RNF145: variants seen among roughly 807,000 people sequenced by gnomAD.
RNF145 encodes ring finger protein 145.
In RNF145, 12 loss-of-function variants were observed where a neutral mutation model predicts 57.3. That is an observed-to-expected ratio of 0.21 (90% CI 0.13 to 0.34). The LOEUF is 0.34. Among genes scored for constraint, RNF145 ranks in the 10% least tolerant of loss-of-function variants. The pLI is 1.00. For synonymous variants in RNF145, 262 were observed against 288.3 expected, an observed-to-expected ratio of 0.91 and a Z score of 0.92; for missense variants, 429 against 799.0, an observed-to-expected ratio of 0.54 and a Z score of 5.58.
intron 3 of RNF145, among the ~76,000 whole-genome samples, chr5:159,188,463 A>T (rs1463713069): frequency 6.6e-6 from 1 of 151,642 alleles, no homozygotes; most frequent in Non-Finnish European, 1.5e-5. Context: ...ATGTGACCAC[A>T]CCCTCACAGG....
At chr5:159,181,818 A>G (rs1784904153) in intron 4 of RNF145, 142 bp downstream of exon 4, 2 of 536,342 alleles carry the variant, frequency 3.7e-6, no homozygotes, top group Admixed American at 6.2e-5. Context: ...AAAAACCACC[A>G]AACAATGGGT....
intron 2 of RNF145, among the ~76,000 whole-genome samples, chr5:159,195,149 T>C (rs1407801963): frequency 6.6e-6 from 1 of 152,214 alleles, no homozygotes; most frequent in Non-Finnish European, 1.5e-5. Context: ...TCTTTCTTTC[T>C]AGTCCCAGAG....
intron 3 of RNF145, among the ~76,000 whole-genome samples, chr5:159,194,330 C>T (rs940555541): frequency 1.3e-5 from 2 of 152,166 alleles, no homozygotes; most frequent in African/African-American, 4.8e-5. Context: ...CGCCACCATG[C>T]CCGGCTAATT....
At chr5:159,177,899 T>C (rs756577868) in intron 4 of RNF145, among the ~76,000 whole-genome samples, 1 of 152,040 alleles carries the variant, frequency 6.6e-6, no homozygotes, top group Non-Finnish European at 1.5e-5. Flanking sequence ...TATGAAAACA[T>C]TTGCAATTAT....
chr5:159,181,646 C>T (rs1295832487), intron 4 of RNF145, among the ~76,000 whole-genome samples: 1 of 151,946 alleles, frequency 6.6e-6, no homozygotes, highest in South Asian at 2.1e-4. Flanking sequence ...TAAGATACTA[C>T]GTGTTTCATT....
Position 159,180,973 on chromosome 5 carries a change from T to C in RNF145, c.385+987A>G, listed in dbSNP as rs141379558. ...TGGGTGAAGGATAAAAGACTGCACA[T>C]TGGGTACAGCATACACTCCTCAGGC... On this transcript the variant is annotated intron_variant, in intron 4 of 10. Coordinates refer to ENST00000424310, the MANE Select transcript of RNF145 (RefSeq NM_001199383.2). 1.4e-3 allele frequency among the ~76,000 whole-genome samples: 211 copies of C among 151,998 alleles called. 1 individual carries two copies. The highest frequency in any genetic ancestry group is 0.013 in the South Asian group (62 of 4,806).
intron 8 of RNF145, 127 bp from the exon 9 acceptor site, chr5:159,163,206 T>C: frequency 1.2e-6 from 1 of 827,074 alleles, no homozygotes; most frequent in Non-Finnish European, 1.9e-6. Context: ...CCCTTCTCCA[T>C]GCCAGTCACT....
At chr5:159,204,376 T>C (rs1177110067) in intron 1 of RNF145, among the ~76,000 whole-genome samples, 3 of 146,308 alleles carry the variant, frequency 2.1e-5, no homozygotes, top group African/African-American at 5.1e-5. Flanking sequence ...GCACAGACCA[T>C]GATAAGTAGT....
intron 3 of RNF145, among the ~76,000 whole-genome samples, chr5:159,191,501 C>T (rs1785288766): frequency 6.6e-6 from 1 of 151,952 alleles, no homozygotes; most frequent in Non-Finnish European, 1.5e-5. Context: ...TAATAAAATC[C>T]TATTATTGAG....
At chr5:159,174,744 G>C (rs1393591963) in intron 5 of RNF145, among the ~76,000 whole-genome samples, 1 of 151,314 alleles carries the variant, frequency 6.6e-6, no homozygotes, top group African/African-American at 2.4e-5. Context: ...TTTCCATTTG[G>C]TTTGCCAAGT....
At chr5:159,208,003 C>T in intron 1 of RNF145, 2 of 1,545,156 alleles carry the variant, frequency 1.3e-6, no homozygotes, top group African/African-American at 1.4e-5. Flanking sequence ...AATAAAAAGA[C>T]ACACAGTCCT....
chr5:159,164,681 T>C (rs987870513), intron 8 of RNF145, among the ~76,000 whole-genome samples: 6 of 152,168 alleles, frequency 3.9e-5, no homozygotes, highest in African/African-American at 7.2e-5. Context: ...CCTCGTGCAA[T>C]AGGTTAAGTA....
intron 7 of RNF145, 84 bp downstream of exon 7, chr5:159,169,595 T>C: frequency 8.3e-7 from 1 of 1,199,378 alleles, no homozygotes; most frequent in Admixed American, 2.9e-5. Context: ...CTTCTAAAAT[T>C]CATCAGCCAA....
chr5:159,183,641 C>T (rs1319814799), intron 3 of RNF145, among the ~76,000 whole-genome samples: 1 of 152,042 alleles, frequency 6.6e-6, no homozygotes, highest in Non-Finnish European at 1.5e-5. Flanking sequence ...TTTTAAAATG[C>T]TATTTGAAAA....
upstream of RNF145, chr5:159,209,677 C>A: frequency 1.1e-6 from 1 of 943,480 alleles, no homozygotes; most frequent in Non-Finnish European, 1.4e-6. Flanking sequence ...CGCACCGCCT[C>A]CGGTGCGTGG....
At chr5:159,196,941 A>C (rs911043712) in intron 2 of RNF145, among the ~76,000 whole-genome samples, 3 of 152,210 alleles carry the variant, frequency 2.0e-5, no homozygotes, top group African/African-American at 7.2e-5. Flanking sequence ...AATCTTCTAG[A>C]TCAAACATAT....
At chr5:159,191,886 G>GA (rs1229220175) in intron 3 of RNF145, among the ~76,000 whole-genome samples, 18 of 152,182 alleles carry the variant, frequency 1.2e-4, no homozygotes, top group Admixed American at 6.5e-5. Flanking sequence ...AGGGTGGTCA[G>GA]AAAAAATCCT....
intron 3 of RNF145, among the ~76,000 whole-genome samples, chr5:159,187,433 T>C (rs1351658491): frequency 6.6e-6 from 1 of 151,960 alleles, no homozygotes; most frequent in East Asian, 2.0e-4. Context: ...GTTCAAGCGA[T>C]TCTCCTGCCT....
At chr5:159,169,365 C>T (rs10515776) in intron 7 of RNF145, among the ~76,000 whole-genome samples, 15,464 of 152,202 alleles carry the variant, frequency 0.1, 1,093 homozygotes, top group East Asian at 0.35. Flanking sequence ...ACATCAAATA[C>T]TGTATAGAAA....
Sources: allele counts gnomAD v4.1 joint callset (sites outside exome capture counted in the v4.1 genomes callset), GRCh38; gene constraint gnomAD v4.1.1; transcripts MANE v1.5; gene names NCBI Gene and HGNC (gene_info 2026-07-23, HGNC 2026-07-21).